TBCEL: variants seen among roughly 807,000 people sequenced by gnomAD.
TBCEL encodes the protein tubulin-specific chaperone cofactor E-like protein.
In TBCEL, 15 loss-of-function variants were observed where a neutral mutation model predicts 44.2. The ratio of observed to expected loss-of-function variants is 0.34; its 90% CI spans 0.23 to 0.52. TBCEL has a LOEUF of 0.52. Ranked by LOEUF, TBCEL falls within the 20% of genes least tolerant of loss-of-function variation. The probability of loss-of-function intolerance (pLI) is 0.95; values close to 1 mark genes in which losing one functional copy is unlikely to be tolerated. For synonymous variants in TBCEL, 171 were observed against 185.4 expected (o/e 0.92, Z 0.63); for missense variants, 319 against 506.3 (o/e 0.63, Z 3.55).
Position 121,058,479 on chromosome 11 carries a change from G to T in TBCEL, c.839+8G>T, listed in dbSNP as rs1161503476. 1 of 1,610,796 alleles carries T rather than the reference G, an allele frequency of 6.2e-7. No homozygotes were observed. Among genetic ancestry groups the T allele is most frequent in the Non-Finnish European group, 8.5e-7 (1 of 1,177,658 alleles). On this transcript the variant is annotated splice_region_variant and intron_variant, in intron 7 of 8. Coordinates refer to ENST00000683345, the MANE Select transcript of TBCEL (RefSeq NM_001363644.2). ...GAAATTGGTAATAGCCAGGTCTGTT[G>T]TCCTGATCGTTTTGCTTTATTTTTG...
intron 4 of TBCEL, among the ~76,000 whole-genome samples, chr11:121,050,086 T>C (rs1006349462): frequency 6.6e-6 from 1 of 151,802 alleles, no homozygotes; most frequent in East Asian, 1.9e-4. Flanking sequence ...TATCCTTAAC[T>C]GTAGTTGATC....
At chr11:121,058,575 T>C in intron 7 of TBCEL, 104 bp downstream of exon 7, 2 of 1,450,146 alleles carry the variant, frequency 1.4e-6, no homozygotes, top group South Asian at 2.4e-5. Flanking sequence ...TTATTCATCC[T>C]TTGAGCAGAC....
Position 121,036,544 on chromosome 11 carries a change from C to A in TBCEL, c.-86C>A, listed in dbSNP as rs186987068. On this transcript the variant is annotated 5_prime_UTR_variant, in exon 2 of 9. Transcript: ENST00000683345. Reference sequence around the variant, plus strand: ...TAGGGATATAGACAGTTGGTTTAAACCAACATTTTTGGACGAGGAGAGGCT... The same window carrying A: ...TAGGGATATAGACAGTTGGTTTAAAACAACATTTTTGGACGAGGAGAGGCT... 1 of 152,090 alleles carries A rather than the reference C, an allele frequency of 6.6e-6. No homozygotes were observed. Among genetic ancestry groups the A allele is most frequent in the East Asian group, 1.9e-4 (1 of 5,194 alleles). 9.4% of individuals were successfully genotyped at this position (152,090 alleles called of 1,614,324 possible).
intron 8 of TBCEL, among the ~76,000 whole-genome samples, chr11:121,084,464 C>T (rs1394852604): frequency 6.6e-6 from 1 of 152,130 alleles, no homozygotes; most frequent in Non-Finnish European, 1.5e-5. Context: ...AGTTCTGCCT[C>T]TGTCTTTTAC....
intron 8 of TBCEL, among the ~76,000 whole-genome samples, chr11:121,076,711 A>T (rs775678145): frequency 1.3e-5 from 2 of 152,000 alleles, no homozygotes; most frequent in Admixed American, 6.6e-5. Context: ...GAATAGGAGT[A>T]GTCATGGCAA....
At position 121,047,998 on chromosome 11, in the gene TBCEL, TTTGTTA is replaced by T. The variant is rs538418210; in HGVS notation, c.273+343_273+348del. On this transcript the variant is annotated intron_variant, in intron 4 of 8. Coordinates refer to ENST00000683345, the MANE Select transcript of TBCEL (RefSeq NM_001363644.2). ...CTATCTATGGTGATTTTTCGTTAGC[TTTGTTA>T]TTGTTATTGTTGCTTTGTTATTGTT... 4.4e-3 allele frequency: 762 copies of T among 171,736 alleles called. 4 individuals carry two copies. Among genetic ancestry groups the T allele is most frequent in the African/African-American group, 0.017 (698 of 41,890 alleles). 10.6% of individuals were successfully genotyped at this position (171,736 alleles called of 1,614,324 possible).
chr11:121,090,628 G>T lies in TBCEL; in HGVS notation c.*3532G>T, dbSNP rs1466366752. 6.6e-6 allele frequency: 1 copy of T among 151,258 alleles called. No individual in the cohort carries two copies. The highest frequency in any genetic ancestry group is 2.4e-5 in the African/African-American group (1 of 41,202). 9.4% of individuals were successfully genotyped at this position (151,258 alleles called of 1,614,324 possible). On this transcript the variant is annotated 3_prime_UTR_variant, in exon 9 of 9. Transcript: ENST00000683345. ...ACTCTCTCAGGCTCTTTACTTGCCA[G>T]TTGTCTCCCGCAGTTAATGGAAATA... is the stretch of plus-strand genomic sequence containing the variant.
intron 8 of TBCEL, among the ~76,000 whole-genome samples, chr11:121,069,164 T>C (rs1945878013): frequency 6.6e-6 from 1 of 152,210 alleles, no homozygotes; most frequent in Non-Finnish European, 1.5e-5. Flanking sequence ...TTCTTGTATA[T>C]TGTCAATCTC....
intron 8 of TBCEL, among the ~76,000 whole-genome samples, chr11:121,068,226 C>T (rs999054499): frequency 6.6e-6 from 1 of 152,160 alleles, no homozygotes; most frequent in Non-Finnish European, 1.5e-5. Flanking sequence ...TTTCGATACC[C>T]TCCCTTTTCC....
chr11:121,039,461 C>A (rs1334056593), intron 2 of TBCEL, among the ~76,000 whole-genome samples: 1 of 152,180 alleles, frequency 6.6e-6, no homozygotes, highest in African/African-American at 2.4e-5. Context: ...TTTATTCCTT[C>A]TCACTTTCTT....
rs140478526 is a variant in TBCEL at position 121,037,911 on chromosome 11, G to A, written c.-18+1299G>A. Among the ~76,000 whole-genome samples the A allele has an allele frequency of 5.0e-3, 756 of 151,496 alleles. 10 individuals are homozygous for A. Among genetic ancestry groups the A allele is most frequent in the African/African-American group, 0.017 (717 of 41,284 alleles). ...ACTACATGGTGGGGTTACTGGTTTT[G>A]TTGTTGTTGTTTATTTATTTTCAAT... On this transcript the variant is annotated intron_variant, in intron 2 of 8. Coordinates refer to ENST00000683345, the MANE Select transcript of TBCEL (RefSeq NM_001363644.2).
intron 4 of TBCEL, among the ~76,000 whole-genome samples, chr11:121,051,677 G>A (rs996907323): frequency 2.6e-5 from 4 of 151,626 alleles, no homozygotes; most frequent in African/African-American, 9.7e-5. Flanking sequence ...TGTGCACACT[G>A]GTATAAATTC....
intron 8 of TBCEL, among the ~76,000 whole-genome samples, chr11:121,080,136 T>C (rs1222223789): frequency 1.3e-5 from 2 of 152,210 alleles, no homozygotes; most frequent in Non-Finnish European, 2.9e-5. Flanking sequence ...TTTTAGTTAA[T>C]TAAACTTCAA....
intron 8 of TBCEL, among the ~76,000 whole-genome samples, chr11:121,076,477 A>G (rs914014048): frequency 3.3e-5 from 5 of 152,002 alleles, no homozygotes; most frequent in Admixed American, 6.6e-5. Flanking sequence ...TCAGTTGTTC[A>G]CTGCTAGGCA....
chr11:121,025,017 G>A (rs1435995973), intron 1 of TBCEL, among the ~76,000 whole-genome samples: 1 of 152,176 alleles, frequency 6.6e-6, no homozygotes. Flanking sequence ...AGACATTCTG[G>A]GAATTGGTGA....
intron 1 of TBCEL, among the ~76,000 whole-genome samples, chr11:121,034,576 A>G (rs775317481): frequency 6.6e-6 from 1 of 152,184 alleles, no homozygotes; most frequent in African/African-American, 2.4e-5. Context: ...GTGATTAGAA[A>G]ACCTACTGAT....
chr11:121,087,342 G>A lies in TBCEL; in HGVS notation c.*246G>A, dbSNP rs1338137962. 2.1e-6 allele frequency: 1 copy of A among 471,708 alleles called. No homozygotes were observed. Among genetic ancestry groups the A allele is most frequent in the Non-Finnish European group, 3.8e-6 (1 of 262,624 alleles). 29.2% of individuals were successfully genotyped at this position (471,708 alleles called of 1,614,324 possible). A position where few individuals can be genotyped will look rare whatever the true frequency, so the allele number is the denominator to read the frequency against. On this transcript the variant is annotated 3_prime_UTR_variant, in exon 9 of 9. Transcript: ENST00000683345. ...TTTCCAGTGTATGTGCCCTCTCTAA[G>A]GAAAGATGACAAAGAAATCACCGAC...
intron 8 of TBCEL, among the ~76,000 whole-genome samples, chr11:121,070,416 T>C (rs56675723): frequency 0.24 from 36,701 of 152,088 alleles, 4,509 homozygotes; most frequent in East Asian, 0.33. Context: ...ATGTTTATTG[T>C]GGCACTGTTC....
intron 5 of TBCEL, among the ~76,000 whole-genome samples, chr11:121,054,198 C>T (rs1945578267): frequency 6.6e-6 from 1 of 151,852 alleles, no homozygotes; most frequent in South Asian, 2.1e-4. Flanking sequence ...TCAATTAAAA[C>T]ATGCTTTATT....
Sources: gnomAD v4.1 joint callset for allele counts (sites outside exome capture counted in the v4.1 genomes callset) on GRCh38, gnomAD v4.1.1 for gene constraint, MANE v1.5 for transcripts, NCBI Gene and HGNC (gene_info 2026-07-23, HGNC 2026-07-21) for gene names.